Variants in NUDCD1 observed in about 807,000 individuals in gnomAD.
NUDCD1 encodes nudC domain-containing protein 1.
NUDCD1 carries 60 observed loss-of-function variants against 67.8 expected under a neutral mutation model. The observed-to-expected ratio is 0.88, with a 90% CI of 0.72 to 1.10. The LOEUF (loss-of-function observed/expected upper bound fraction) is 1.10. Ranked by LOEUF, NUDCD1 falls within the 50% of genes least tolerant of loss-of-function variation. The pLI is 0.00. For synonymous variants in NUDCD1, 244 were observed against 230.8 expected, an observed-to-expected ratio of 1.06 and a Z score of -0.52; for missense variants, 643 against 695.0, an observed-to-expected ratio of 0.93 and a Z score of 0.84.
At chr8:109,282,932 A>G (rs1394827826) in intron 5 of NUDCD1, among the ~76,000 whole-genome samples, 1 of 152,196 alleles carries the variant, frequency 6.6e-6, no homozygotes, top group East Asian at 1.9e-4. Context: ...CTAGCTTTCT[A>G]GAAATGGTCC....
At chr8:109,314,637 A>AC (rs1815346622) in intron 2 of NUDCD1, among the ~76,000 whole-genome samples, 1 of 151,384 alleles carries the variant, frequency 6.6e-6, no homozygotes, top group Non-Finnish European at 1.5e-5. Context: ...CCCATCCCCA[A>AC]CCCCCCAAAT....
intron 2 of NUDCD1, among the ~76,000 whole-genome samples, chr8:109,302,245 T>C (rs1815006724): frequency 6.6e-6 from 1 of 152,174 alleles, no homozygotes; most frequent in Non-Finnish European, 1.5e-5. Flanking sequence ...GCACTTTTGA[T>C]TCCTCCATCA....
At chr8:109,259,263 T>C (rs1813812114) in intron 8 of NUDCD1, among the ~76,000 whole-genome samples, 1 of 152,228 alleles carries the variant, frequency 6.6e-6, no homozygotes, top group South Asian at 2.1e-4. Context: ...CATCTCCACA[T>C]TTCCCCGTGG....
chr8:109,296,905 GCT>G (rs753746484), intron 2 of NUDCD1, among the ~76,000 whole-genome samples: 2 of 152,180 alleles, frequency 1.3e-5, no homozygotes, highest in Non-Finnish European at 2.9e-5. Flanking sequence ...GGAAATGATG[GCT>G]CTTGCCAACA....
chr8:109,288,615 T>C lies in NUDCD1; in HGVS notation c.823+1136A>G, dbSNP rs528414577. On this transcript the variant is annotated intron_variant, in intron 5 of 9. Transcript: ENST00000239690. ...ACCTGTGGAAAATATTTTTCAATTA[T>C]ATATTACATTAATATTCATTTCTTA... 1.2e-3 allele frequency among the ~76,000 whole-genome samples: 188 copies of C among 152,346 alleles called. 1 individual carries two copies. Among genetic ancestry groups the C allele is most frequent in the Non-Finnish European group, 7.5e-4 (51 of 68,032 alleles).
At chr8:109,311,556 G>GGT (rs199851152) in intron 2 of NUDCD1, among the ~76,000 whole-genome samples, 6 of 53,998 alleles carry the variant, frequency 1.1e-4, no homozygotes, top group South Asian at 1.6e-3. Context: ...AAGAAACTGT[G>GGT]GTGTATATAT....
At chr8:109,308,865 G>A (rs978499606) in intron 2 of NUDCD1, among the ~76,000 whole-genome samples, 6 of 151,830 alleles carry the variant, frequency 4.0e-5, no homozygotes, top group East Asian at 3.9e-4. Context: ...CTAGCTACTC[G>A]GGAGACTGAG....
intron 1 of NUDCD1, among the ~76,000 whole-genome samples, chr8:109,327,520 A>G (rs1337605041): frequency 6.6e-6 from 1 of 152,234 alleles, no homozygotes; most frequent in Non-Finnish European, 1.5e-5. Flanking sequence ...CCACTGATGA[A>G]TAACTTGGTT....
intron 8 of NUDCD1, among the ~76,000 whole-genome samples, chr8:109,258,309 T>C (rs1813785246): frequency 6.6e-6 from 1 of 152,128 alleles, no homozygotes. Context: ...TATGTCACCC[T>C]TGTCACAAAT....
At chr8:109,270,077 G>GGGT in intron 8 of NUDCD1, among the ~76,000 whole-genome samples, 1 of 62,878 alleles carries the variant, frequency 1.6e-5, no homozygotes, top group African/African-American at 5.5e-5. Context: ...CGGGGGGGGG[G>GGGT]GGGGGTGCCT....
chr8:109,296,664 T>C, intron 2 of NUDCD1, 95 bp from the exon 3 acceptor site: 1 of 863,138 alleles, frequency 1.2e-6, no homozygotes, highest in Non-Finnish European at 1.8e-6. Flanking sequence ...CTCTCCTTTT[T>C]AAGAGTTGGA....
At chr8:109,270,090 A>AGGGGGGGGGGGG (rs1563665962) in intron 8 of NUDCD1, among the ~76,000 whole-genome samples, 5 of 7,600 alleles carry the variant, frequency 6.6e-4, no homozygotes, top group Non-Finnish European at 9.9e-4. Context: ...GGGTGCCTTA[A>AGGGGGGGGGGGG]GGTGGGGTGT....
Position 109,241,952 on chromosome 8 carries a change from G to C in NUDCD1, c.*1057C>G, listed in dbSNP as rs1447935288. 5 of 396,062 alleles carry C rather than the reference G, an allele frequency of 1.3e-5. No individual in the cohort carries two copies. Among genetic ancestry groups the C allele is most frequent in the Non-Finnish European group, 2.2e-5 (5 of 224,564 alleles). 24.5% of individuals were successfully genotyped at this position (396,062 alleles called of 1,614,324 possible). ...ATACATACTAAAACAAACCTGGAAA[G>C]GTAAGTTTGAAAAAACAAAATTTGT... On this transcript the variant is annotated 3_prime_UTR_variant, in exon 10 of 10. Coordinates refer to ENST00000239690, the MANE Select transcript of NUDCD1 (RefSeq NM_032869.4).
chr8:109,331,065 G>A (rs1039766910), intron 1 of NUDCD1, among the ~76,000 whole-genome samples: 1 of 152,074 alleles, frequency 6.6e-6, no homozygotes, highest in Non-Finnish European at 1.5e-5. Context: ...AAAATCGGTC[G>A]GAGCAGTGGC....
At chr8:109,327,728 A>G (rs1029969219) in intron 1 of NUDCD1, among the ~76,000 whole-genome samples, 17 of 152,194 alleles carry the variant, frequency 1.1e-4, no homozygotes, top group African/African-American at 3.6e-4. Flanking sequence ...TTATGATTCA[A>G]TTTTCTCCTG....
intron 6 of NUDCD1, among the ~76,000 whole-genome samples, chr8:109,276,402 C>T (rs1048532639): frequency 7.9e-5 from 12 of 152,140 alleles, no homozygotes; most frequent in Non-Finnish European, 1.3e-4. Context: ...TGCCATCTTT[C>T]GTACACATGT....
chr8:109,315,226 C>T (rs1815363091), intron 2 of NUDCD1: 1 of 151,852 alleles, frequency 6.6e-6, no homozygotes, highest in African/African-American at 2.4e-5. Context: ...AAAAATGTTA[C>T]TCCGAAATAA....
intron 8 of NUDCD1, among the ~76,000 whole-genome samples, chr8:109,255,247 CAGTTA>C (rs1417458660): frequency 2.0e-5 from 3 of 152,062 alleles, no homozygotes; most frequent in African/African-American, 7.2e-5. Context: ...CTAGTTTTGT[CAGTTA>C]AGTTGTATAG....
At chr8:109,247,882 A>C (rs1813534585) in intron 8 of NUDCD1, among the ~76,000 whole-genome samples, 1 of 152,124 alleles carries the variant, frequency 6.6e-6, no homozygotes, top group South Asian at 2.1e-4. Flanking sequence ...TGGCAGGATG[A>C]ATAACGTCCC....
Sources: gnomAD v4.1 joint callset for allele counts (sites outside exome capture counted in the v4.1 genomes callset) on GRCh38, gnomAD v4.1.1 for gene constraint, MANE v1.5 for transcripts, NCBI Gene and HGNC (gene_info 2026-07-23, HGNC 2026-07-21) for gene names.